FAM184B: variants seen among roughly 807,000 people sequenced by gnomAD.
FAM184B encodes protein FAM184B.
A neutral mutation model predicts 135.9 loss-of-function variants in FAM184B; 111 were observed. That is an observed-to-expected ratio of 0.82 (90% confidence interval 0.70 to 0.96). The LOEUF (loss-of-function observed/expected upper bound fraction) is 0.96. Ranked by LOEUF, FAM184B falls within the 40% of genes least tolerant of loss-of-function variation. FAM184B has a pLI of 0.00. For synonymous variants in FAM184B, 552 were observed against 524.8 expected (o/e 1.05, Z -0.71); for missense variants, 1,375 against 1,323.9 (o/e 1.04, Z -0.60).
chr4:17,725,717 T>G (rs1244318965), intron 1 of FAM184B, among the ~76,000 whole-genome samples: 4 of 152,188 alleles, frequency 2.6e-5, no homozygotes, highest in African/African-American at 9.7e-5. Flanking sequence ...CTGTCAGTAC[T>G]GGGAGGCAGA....
intron 5 of FAM184B, among the ~76,000 whole-genome samples, chr4:17,704,227 C>T (rs1717055976): frequency 6.6e-6 from 1 of 152,224 alleles, no homozygotes; most frequent in African/African-American, 2.4e-5. Context: ...CCTACATTCA[C>T]AATGATATTG....
chr4:17,677,920 C>A (rs187720705), intron 7 of FAM184B, among the ~76,000 whole-genome samples: 1 of 152,130 alleles, frequency 6.6e-6, no homozygotes, highest in Non-Finnish European at 1.5e-5. Flanking sequence ...ACAAAAAAAT[C>A]ACATGATCAT....
chr4:17,765,721 T>C (rs755361856), intron 1 of FAM184B, among the ~76,000 whole-genome samples: 41 of 152,188 alleles, frequency 2.7e-4, no homozygotes, highest in Non-Finnish European at 5.7e-4. Flanking sequence ...CGTCCGGAAA[T>C]GGTGGGTTCT....
At chr4:17,771,860 A>T (rs1371742103) in intron 1 of FAM184B, among the ~76,000 whole-genome samples, 2 of 152,220 alleles carry the variant, frequency 1.3e-5, no homozygotes, top group Non-Finnish European at 2.9e-5. Context: ...CAGGCTTCAG[A>T]TATGCCCCGT....
chr4:17,635,688 A>AAC (rs397754187), intron 15 of FAM184B, among the ~76,000 whole-genome samples: 3 of 149,770 alleles, frequency 2.0e-5, no homozygotes, highest in African/African-American at 7.5e-5. Context: ...AAAAAAAAAA[A>AAC]CCCATGATAC....
At position 17,734,411 on chromosome 4, in the gene FAM184B, A is replaced by G. The variant is rs1487749451; in HGVS notation, c.142-24767T>C. Among the ~76,000 whole-genome samples, 35 of 152,252 alleles carry G rather than the reference A, an allele frequency of 2.3e-4. No homozygotes were observed. In the South Asian group the frequency reaches 7.0e-3, roughly 31 times the overall value. ...GAACAGGCAACCTACAAAATGGGAG[A>G]AAATTTTTGCAACCTACTCATCTGA... On this transcript the variant is annotated intron_variant, in intron 1 of 17. Transcript: ENST00000265018.
intron 7 of FAM184B, among the ~76,000 whole-genome samples, chr4:17,685,610 T>C (rs1341734083): frequency 6.7e-6 from 1 of 149,162 alleles, no homozygotes; most frequent in Non-Finnish European, 1.5e-5. Context: ...AACCAACCCA[T>C]GGTTCCCAAC....
chr4:17,659,643 A>T (rs1715867601), intron 9 of FAM184B, among the ~76,000 whole-genome samples: 1 of 151,712 alleles, frequency 6.6e-6, no homozygotes, highest in Admixed American at 6.6e-5. Context: ...CCCGCCACAT[A>T]CCCAGCTAAT....
intron 12 of FAM184B, among the ~76,000 whole-genome samples, chr4:17,642,961 A>T (rs552871199): frequency 1.2e-4 from 19 of 152,250 alleles, no homozygotes; most frequent in Non-Finnish European, 2.5e-4. Flanking sequence ...AGTTCACTGC[A>T]CACAGTAATT....
chr4:17,742,168 A>ATTTT (rs869228150), intron 1 of FAM184B, among the ~76,000 whole-genome samples: 4 of 109,310 alleles, frequency 3.7e-5, no homozygotes, highest in African/African-American at 9.6e-5. Context: ...ATATATATAT[A>ATTTT]TTTTTTTTTT....
intron 1 of FAM184B, among the ~76,000 whole-genome samples, chr4:17,731,734 C>A (rs566574101): frequency 5.3e-5 from 8 of 152,194 alleles, no homozygotes; most frequent in Non-Finnish European, 1.2e-4. Flanking sequence ...TAATGGGAGA[C>A]TTTAACACCC....
At chr4:17,634,884 G>GTTT (rs3214318) in intron 16 of FAM184B, 125 bp downstream of exon 16, 413 of 520,982 alleles carry the variant, frequency 7.9e-4, no homozygotes, top group South Asian at 1.8e-3. Context: ...AAACAAGTGG[G>GTTT]TTTTTTTTTT....
intron 7 of FAM184B, among the ~76,000 whole-genome samples, chr4:17,676,844 C>G (rs1440266656): frequency 6.6e-6 from 1 of 152,106 alleles, no homozygotes; most frequent in East Asian, 1.9e-4. Context: ...AGGCTTGTAG[C>G]CTAACAGCAA....
chr4:17,744,411 G>C (rs907939784), intron 1 of FAM184B, among the ~76,000 whole-genome samples: 4 of 151,540 alleles, frequency 2.6e-5, no homozygotes, highest in African/African-American at 9.7e-5. Flanking sequence ...AGGCCTTGGG[G>C]GCTGGGACTA....
chr4:17,706,536 AG>A (rs2108964669), intron 3 of FAM184B, among the ~76,000 whole-genome samples: 1 of 152,294 alleles, frequency 6.6e-6, no homozygotes, highest in African/African-American at 2.4e-5. Flanking sequence ...CTTTCTGTTG[AG>A]GGCCCTAGGG....
chr4:17,639,175 T>G (rs1715234186), intron 14 of FAM184B, 75 bp downstream of exon 14: 1 of 1,407,352 alleles, frequency 7.1e-7, no homozygotes, highest in Non-Finnish European at 9.7e-7. Context: ...AATCCCAGGG[T>G]CATTGGGGTG....
At chr4:17,677,958 C>T (rs1716352933) in intron 7 of FAM184B, among the ~76,000 whole-genome samples, 1 of 114,202 alleles carries the variant, frequency 8.8e-6, no homozygotes, top group Non-Finnish European at 2.1e-5. Context: ...AAGCATCTGA[C>T]AAAATCCAGC....
At chr4:17,638,437 C>T (rs1025510967) in intron 14 of FAM184B, among the ~76,000 whole-genome samples, 4 of 151,638 alleles carry the variant, frequency 2.6e-5, no homozygotes, top group Non-Finnish European at 5.9e-5. Flanking sequence ...AAGCAGTCCA[C>T]CCTGGGCTCA....
At chr4:17,645,825 T>C (rs1439378669) in intron 12 of FAM184B, among the ~76,000 whole-genome samples, 3 of 151,890 alleles carry the variant, frequency 2.0e-5, no homozygotes, top group African/African-American at 7.3e-5. Flanking sequence ...TGCAATCTAC[T>C]CATCTGACAA....
Sources: allele counts gnomAD v4.1 joint callset (sites outside exome capture counted in the v4.1 genomes callset), GRCh38; gene constraint gnomAD v4.1.1; transcripts MANE v1.5; gene names NCBI Gene and HGNC (gene_info 2026-07-23, HGNC 2026-07-21).